Variants in PHLPP2 observed in about 807,000 individuals in gnomAD.
The protein encoded by PHLPP2 is PH domain and leucine rich repeat protein phosphatase 2, also known as PH domain leucine-rich repeat-containing protein phosphatase 2.
PHLPP2 carries 66 observed loss-of-function variants against 124.9 expected under a neutral mutation model. The observed-to-expected ratio is 0.53, with a 90% CI of 0.43 to 0.65. The LOEUF (loss-of-function observed/expected upper bound fraction) is 0.65, where lower values mean the gene tolerates loss of function less well. Ranked by LOEUF, PHLPP2 falls within the 30% of genes least tolerant of loss-of-function variation. The probability of loss-of-function intolerance (pLI) is 0.00; values close to 1 mark genes in which losing one functional copy is unlikely to be tolerated. For missense variants in PHLPP2, 1,685 were observed against 1,600.4 expected (o/e 1.05, Z -0.90); for synonymous variants, 681 against 624.7 (o/e 1.09, Z -1.34).
chr16:71,723,702 C>A (rs1480954352), intron 1 of PHLPP2: 3 of 746,238 alleles, frequency 4.0e-6, no homozygotes, highest in Non-Finnish European at 5.8e-6. Context: ...TAGCCTCCCT[C>A]GTTCCCTCCC....
At chr16:71,676,095 A>G (rs1346786369) in intron 9 of PHLPP2, among the ~76,000 whole-genome samples, 1 of 152,074 alleles carries the variant, frequency 6.6e-6, no homozygotes, top group Non-Finnish European at 1.5e-5. Flanking sequence ...ATGGGCCATA[A>G]AAAAAGAGGT....
rs1237493619 is a variant in PHLPP2, at chr16:71,648,048, T to C, written c.*842A>G. 2.0e-5 allele frequency: 3 copies of C among 152,682 alleles called. No homozygotes were observed. In the East Asian group the frequency reaches 5.8e-4, roughly 29 times the overall value. 9.5% of individuals were successfully genotyped at this position (152,682 alleles called of 1,614,324 possible). ...ACATTACATACATAAATTATCTGTTTGATTGGTTCTACATTTCCAACAGAC... is the reference window on the plus strand; with the variant it reads ...ACATTACATACATAAATTATCTGTTCGATTGGTTCTACATTTCCAACAGAC... On this transcript the variant is annotated 3_prime_UTR_variant, in exon 19 of 19. Transcript: ENST00000568954.
At position 71,667,337 on chromosome 16, in the gene PHLPP2, AG is replaced by A; in HGVS notation, c.1629-5del. ...AAGACTCAAGCTACTCAGAATTCTA[AG>A]GGGGGAGCATACAAACAAACACATT... On this transcript the variant is annotated splice_polypyrimidine_tract_variant and splice_region_variant and intron_variant, in intron 11 of 18. Transcript: ENST00000568954. The A allele has an allele frequency of 6.2e-7, 1 of 1,609,170 alleles. No homozygotes were observed. The highest frequency in any genetic ancestry group is 8.5e-7 in the Non-Finnish European group (1 of 1,176,218).
At chr16:71,665,339 G>A (rs2044829601) in intron 12 of PHLPP2, among the ~76,000 whole-genome samples, 1 of 152,088 alleles carries the variant, frequency 6.6e-6, no homozygotes, top group African/African-American at 2.4e-5. Flanking sequence ...TCCACAAGAA[G>A]ACTATTAAGA....
Position 71,652,870 on chromosome 16 carries a change from G to C in PHLPP2, c.2737C>G (p.Pro913Ala), listed in dbSNP as rs1382122610. 1 of 1,614,100 alleles carries C rather than the reference G, an allele frequency of 6.2e-7. No individual in the cohort carries two copies. Among genetic ancestry groups the C allele is most frequent in the Admixed American group, 1.7e-5 (1 of 60,002 alleles). Residue 913 changes from proline (P) to alanine (A), a missense_variant, in exon 18 of 19, where the codon CCC becomes GCC. Coordinates refer to ENST00000568954, the MANE Select transcript of PHLPP2 (RefSeq NM_015020.3). ...AVLCRGGKPVPLSKVFSLEQD... is the reference protein window; with the variant it reads ...AVLCRGGKPVALSKVFSLEQD... ...TCCAGGCTGAAGACTTTAGAGAGGG[G>C]CACTGGCTTCCCACCTCGGCACAGG...
At chr16:71,708,907 T>C (rs995648115) in intron 2 of PHLPP2, among the ~76,000 whole-genome samples, 4 of 152,306 alleles carry the variant, frequency 2.6e-5, no homozygotes, top group Middle Eastern at 6.8e-3. Context: ...TAGTGTGTTA[T>C]GATAGGGCCT....
rs1474867444 is a variant in PHLPP2 at position 71,649,189 on chromosome 16, C to G, written c.3673G>C (p.Glu1225Gln). The G allele has an allele frequency of 8.1e-6, 13 of 1,614,014 alleles. No homozygotes were observed. Among genetic ancestry groups the G allele is most frequent in the Admixed American group, 1.7e-5 (1 of 59,986 alleles). ...MLLPMSKDRM[E>Q]LQKSPSTSCL... is the part of the protein sequence containing the mutation. ...GAGGTGGAGGGAGACTTCTGTAACT[C>G]CATCCTGTCCTTGCTCATTGGCAGG... Residue 1225 changes from glutamate (E) to glutamine (Q), a missense_variant, in exon 19 of 19, where the codon GAG (glutamate) becomes CAG (glutamine). Transcript: ENST00000568954.
rs71389694 is a variant in PHLPP2, at chr16:71,697,172, CAATAAATA to C, written c.418+5418_418+5425del. Among the ~76,000 whole-genome samples, 208 of 124,104 alleles carry C rather than the reference CAATAAATA, an allele frequency of 1.7e-3. 1 individual carries two copies. The highest frequency in any genetic ancestry group is 2.2e-3 in the African/African-American group (73 of 33,186). The allele number at this position is 124,104 out of a possible 152,430, so 81.4% of individuals were successfully genotyped here. A position where few individuals can be genotyped will look rare whatever the true frequency, so the allele number is the denominator to read the frequency against. The stretch of plus-strand genomic sequence containing the variant: ...TGGGCGACAGAGCAAGACTCTGTCT[CAATAAATA>C]AATAAATAAATAAATAAATAAATAA... On this transcript the variant is annotated intron_variant, in intron 3 of 18. Transcript: ENST00000568954.
intron 3 of PHLPP2, among the ~76,000 whole-genome samples, chr16:71,699,166 G>A (rs144625959): frequency 6.6e-6 from 1 of 152,272 alleles, no homozygotes; most frequent in East Asian, 1.9e-4. Flanking sequence ...AGTTTTGATA[G>A]AGACAGGAGG....
intron 12 of PHLPP2, among the ~76,000 whole-genome samples, chr16:71,665,625 G>A (rs1403307794): frequency 3.9e-5 from 6 of 152,106 alleles, no homozygotes; most frequent in African/African-American, 1.4e-4. Flanking sequence ...GGTACTGTGT[G>A]TCTGCTTGTG....
intron 1 of PHLPP2, among the ~76,000 whole-genome samples, chr16:71,722,741 T>C (rs903959414): frequency 6.6e-6 from 1 of 152,226 alleles, no homozygotes; most frequent in African/African-American, 2.4e-5. Context: ...ATTCCTCATG[T>C]AGAACTCTAG....
intron 2 of PHLPP2, among the ~76,000 whole-genome samples, chr16:71,709,061 GTTTTAAAATGGATAAAAAATGT>G: frequency 6.6e-6 from 1 of 152,136 alleles, no homozygotes; most frequent in African/African-American, 2.4e-5. Context: ...GATTTCAGAA[GTTTTAAAATGGATAAAAAATGT>G]TTCAAAATAA....
At chr16:71,671,588 T>C (rs945266127) in intron 10 of PHLPP2, among the ~76,000 whole-genome samples, 3 of 151,934 alleles carry the variant, frequency 2.0e-5, no homozygotes, top group Non-Finnish European at 1.5e-5. Flanking sequence ...ACATGAGTTA[T>C]AGGAGTACAA....
chr16:71,719,677 G>C (rs1228510501), intron 1 of PHLPP2, among the ~76,000 whole-genome samples: 1 of 150,560 alleles, frequency 6.6e-6, no homozygotes, highest in Admixed American at 6.6e-5. Flanking sequence ...TCTTCTATAA[G>C]CTATGGGCCT....
chr16:71,676,297 G>C, intron 9 of PHLPP2, 150 bp downstream of exon 9: 1 of 626,054 alleles, frequency 1.6e-6, no homozygotes, highest in Non-Finnish European at 2.8e-6. Context: ...CTTAAGTATT[G>C]ACAGCAAAGT....
chr16:71,667,435 AC>A, intron 11 of PHLPP2, 102 bp from the exon 12 acceptor site: 1 of 891,586 alleles, frequency 1.1e-6, no homozygotes, highest in Non-Finnish European at 1.7e-6. Flanking sequence ...ACTTATAGAA[AC>A]ATATTCTCCT....
intron 13 of PHLPP2, among the ~76,000 whole-genome samples, chr16:71,661,461 T>C (rs1350850481): frequency 1.3e-5 from 2 of 152,170 alleles, no homozygotes; most frequent in Admixed American, 6.5e-5. Flanking sequence ...CCTCCAACAA[T>C]AAAAGTGTCA....
intron 2 of PHLPP2, among the ~76,000 whole-genome samples, chr16:71,704,958 T>G (rs1342595154): frequency 6.6e-6 from 1 of 152,156 alleles, no homozygotes; most frequent in Non-Finnish European, 1.5e-5. Context: ...AGACAGATCT[T>G]CAAATGTTCA....
chr16:71,685,545 G>A (rs1034939027), intron 4 of PHLPP2, among the ~76,000 whole-genome samples: 8 of 152,120 alleles, frequency 5.3e-5, no homozygotes, highest in Non-Finnish European at 1.2e-4. Flanking sequence ...TTCCAGAAAA[G>A]AGAATCATAT....
Sources: gnomAD v4.1 joint callset for allele counts (sites outside exome capture counted in the v4.1 genomes callset) on GRCh38, gnomAD v4.1.1 for gene constraint, MANE v1.5 for transcripts, NCBI Gene and HGNC (gene_info 2026-07-23, HGNC 2026-07-21) for gene names.